The following MIAT variants were observed in gnomAD, a reference collection of about 807,000 sequenced individuals.
MIAT encodes MI related novel mRNA.
At chr22:26,647,369 G>T (rs1050037820) in intron 2 of MIAT, 92 of 344,834 alleles carry the variant, frequency 2.7e-4, no homozygotes, top group Non-Finnish European at 3.6e-4. Flanking sequence ...GGGGACGTGG[G>T]GGGTGGAGAG....
chr22:26,670,907 G>T (rs530627412), downstream of MIAT: 2 of 398,442 alleles, frequency 5.0e-6, no homozygotes, highest in Non-Finnish European at 4.4e-6. Context: ...GAAGCAGACC[G>T]GGTGGGCGTG....
exon 5 of MIAT, chr22:26,676,023 T>C (rs1000068732): frequency 1.8e-5 from 7 of 398,526 alleles, no homozygotes; most frequent in Admixed American, 8.8e-5. Flanking sequence ...CCTCATTCAG[T>C]CTGCTTTGGA....
intron 2 of MIAT, among the ~76,000 whole-genome samples, chr22:26,661,940 A>ATC (rs1602361874): frequency 1.9e-5 from 1 of 53,758 alleles, no homozygotes; most frequent in African/African-American, 7.3e-5. Context: ...ATATATATAT[A>ATC]TATATATATA....
chr22:26,661,815 C>T (rs1319202957), intron 2 of MIAT, among the ~76,000 whole-genome samples: 4 of 151,054 alleles, frequency 2.6e-5, no homozygotes, highest in African/African-American at 9.7e-5. Flanking sequence ...CCAGTTTTCT[C>T]ACAGTAATAG....
chr22:26,652,729 C>A (rs560282347), intron 2 of MIAT, among the ~76,000 whole-genome samples: 1 of 152,246 alleles, frequency 6.6e-6, no homozygotes, highest in Non-Finnish European at 1.5e-5. Flanking sequence ...GCCTCCAGAG[C>A]CACTCTTGTT....
intron 2 of MIAT, among the ~76,000 whole-genome samples, chr22:26,656,846 G>T (rs191366631): frequency 1.3e-5 from 2 of 152,266 alleles, no homozygotes; most frequent in East Asian, 1.9e-4. Context: ...GTTCGGGGGG[G>T]TGCGGTGAGC....
chr22:26,662,391 G>A (rs1930707851), intron 2 of MIAT, among the ~76,000 whole-genome samples: 1 of 152,072 alleles, frequency 6.6e-6, no homozygotes, highest in Admixed American at 6.5e-5. Flanking sequence ...AGCTTGTTTT[G>A]CCATGTAGAT....
At chr22:26,650,370 C>T (rs1448672780) in intron 2 of MIAT, 1 of 152,236 alleles carries the variant, frequency 6.6e-6, no homozygotes, top group African/African-American at 2.4e-5. Flanking sequence ...ACACCCCAGT[C>T]TATGGTATTT....
intron 3 of MIAT, among the ~76,000 whole-genome samples, chr22:26,665,291 A>AAAGAAAGAAAGAAAGAAAG (rs1569221748): frequency 2.1e-5 from 2 of 97,234 alleles, no homozygotes; most frequent in African/African-American, 3.5e-5. Flanking sequence ...AAGAAAGAAA[A>AAAGAAAGAAAGAAAGAAAG]ACAATTAACT....
At chr22:26,647,303 G>A (rs897626257) in exon 2 of MIAT, 7 of 326,866 alleles carry the variant, frequency 2.1e-5, no homozygotes, top group South Asian at 1.4e-4. Context: ...GCTGGGATGC[G>A]ACAAAAAAGT....
downstream of MIAT, chr22:26,673,475 C>T: frequency 2.5e-6 from 1 of 398,842 alleles, no homozygotes; most frequent in Non-Finnish European, 4.4e-6. Context: ...TGGCCCTGAC[C>T]GGTTCTTAAT....
chr22:26,671,623 C>T, downstream of MIAT: 15 of 398,744 alleles, frequency 3.8e-5, no homozygotes. Context: ...TGCCTATGGG[C>T]TGGGATCTTT....
exon 2 of MIAT, chr22:26,647,201 C>T (rs993608009): frequency 9.5e-5 from 38 of 398,448 alleles, no homozygotes; most frequent in Non-Finnish European, 1.7e-4. Context: ...TCCAGAACCG[C>T]AGCATTGGAA....
intron 2 of MIAT, chr22:26,647,488 G>T: frequency 2.6e-6 from 1 of 386,954 alleles, no homozygotes; most frequent in African/African-American, 2.1e-5. Context: ...CCCAGAAGGA[G>T]CGGGGCCCCA....
chr22:26,652,145 T>A (rs1930346851), intron 2 of MIAT, among the ~76,000 whole-genome samples: 1 of 152,104 alleles, frequency 6.6e-6, no homozygotes, highest in African/African-American at 2.4e-5. Flanking sequence ...AGGCACACAC[T>A]ACCATGCCTG....
rs1555949593 is a variant in MIAT, at chr22:26,667,353, T to TGC, written n.2262+45_2262+46dup. ...GGAGCAGTGTGTGTGTGTGTGTGTGTGCGTGTGCACATGTGTGTGCATGCC... is the reference window on the plus strand; with the variant it reads ...GGAGCAGTGTGTGTGTGTGTGTGTGTGCGCGTGTGCACATGTGTGTGCATGCC... On this transcript the variant is annotated intron_variant and non_coding_transcript_variant, in intron 5 of 5. Transcript: ENST00000643270. The TGC allele has an allele frequency of 2.4e-3, 955 of 395,896 alleles. 5 individuals carry two copies. Among genetic ancestry groups the TGC allele is most frequent in the Non-Finnish European group, 1.5e-3 (328 of 225,156 alleles). 24.5% of individuals were successfully genotyped at this position (395,896 alleles called of 1,614,324 possible).
chr22:26,662,602 T>G (rs1376897789), intron 2 of MIAT, among the ~76,000 whole-genome samples: 1 of 152,246 alleles, frequency 6.6e-6, no homozygotes, highest in Admixed American at 6.5e-5. Flanking sequence ...CAGAAGCATC[T>G]GCTTCCCCCA....
chr22:26,668,212 C>A (rs1930920195), exon 6 of MIAT: 1 of 398,658 alleles, frequency 2.5e-6, no homozygotes, highest in Admixed American at 4.4e-5. Context: ...TCTCTTTGGA[C>A]CTCGGGTGAC....
chr22:26,650,152 G>T (rs1347538230), intron 2 of MIAT: 4 of 152,228 alleles, frequency 2.6e-5, no homozygotes, highest in Non-Finnish European at 4.4e-5. Context: ...GTAGAATGAG[G>T]TAGAAAGGGT....
Sources: gnomAD v4.1 joint callset for allele counts (sites outside exome capture counted in the v4.1 genomes callset) on GRCh38, gnomAD v4.1.1 for gene constraint, MANE v1.5 for transcripts, NCBI Gene and HGNC (gene_info 2026-07-23, HGNC 2026-07-21) for gene names.